The following RIN2 variants were observed in gnomAD, a reference collection of about 807,000 sequenced individuals.
RIN2 encodes the protein RAB5 interacting protein 2.
Under a neutral mutation model 78.0 loss-of-function variants are expected in RIN2, and 36 were observed. The observed-to-expected ratio is 0.46, with a 90% CI of 0.35 to 0.61. The LOEUF (loss-of-function observed/expected upper bound fraction) is 0.61, where lower values mean the gene tolerates loss of function less well. Among genes scored for constraint, RIN2 ranks in the 20% least tolerant of loss-of-function variants. The pLI is 0.00. For synonymous variants in RIN2, 466 were observed against 466.8 expected, an observed-to-expected ratio of 1.00 and a Z score of 0.02; for missense variants, 1,087 against 1,159.7, an observed-to-expected ratio of 0.94 and a Z score of 0.91.
chr20:19,987,688 T>C (rs1049181585), intron 9 of RIN2, among the ~76,000 whole-genome samples: 5 of 152,234 alleles, frequency 3.3e-5, no homozygotes, highest in South Asian at 2.1e-4. Flanking sequence ...AATGATGATA[T>C]AAGGTAAAGT....
chr20:19,978,860 C>T (rs185396476), intron 9 of RIN2, among the ~76,000 whole-genome samples: 2 of 152,310 alleles, frequency 1.3e-5, no homozygotes, highest in Admixed American at 1.3e-4. Flanking sequence ...AAGAAGTGTG[C>T]AGTTTGGGGG....
intron 2 of RIN2, among the ~76,000 whole-genome samples, chr20:19,833,919 A>T (rs1193397591): frequency 6.6e-6 from 1 of 152,092 alleles, no homozygotes; most frequent in Non-Finnish European, 1.5e-5. Context: ...CTGAGGTCCC[A>T]TTCCCCTGCC....
intron 3 of RIN2, among the ~76,000 whole-genome samples, chr20:19,891,074 T>C (rs1290637498): frequency 6.6e-6 from 1 of 152,158 alleles, no homozygotes; most frequent in African/African-American, 2.4e-5. Context: ...TATTTATTGG[T>C]TTACAGTCTT....
chr20:19,840,158 G>T (rs1231045479), intron 2 of RIN2, among the ~76,000 whole-genome samples: 1 of 152,172 alleles, frequency 6.6e-6, no homozygotes, highest in Non-Finnish European at 1.5e-5. Context: ...TTTAGTTTTA[G>T]CCAACTCCAA....
intron 2 of RIN2, among the ~76,000 whole-genome samples, chr20:19,807,701 T>A (rs2035450818): frequency 6.6e-6 from 1 of 152,144 alleles, no homozygotes. Flanking sequence ...AAGCAGCAAG[T>A]AGAATGAATA....
At chr20:19,831,139 C>T (rs2036239870) in intron 2 of RIN2, among the ~76,000 whole-genome samples, 1 of 152,212 alleles carries the variant, frequency 6.6e-6, no homozygotes, top group Non-Finnish European at 1.5e-5. Context: ...CGGGTAGATA[C>T]TCCACCCTCC....
chr20:19,992,921 T>C (rs1219503140), intron 11 of RIN2, among the ~76,000 whole-genome samples: 4 of 152,196 alleles, frequency 2.6e-5, no homozygotes, highest in Admixed American at 2.6e-4. Flanking sequence ...TCCAGTTTTT[T>C]TTAAGTATCT....
At position 19,875,159 on chromosome 20, in the gene RIN2, C is replaced by G. The variant is rs567684029; in HGVS notation, c.-36-14407C>G. Among the ~76,000 whole-genome samples the G allele has an allele frequency of 1.1e-4, 16 of 151,372 alleles. No individual in the cohort carries two copies. The South Asian group carries it at 2.9e-3, about 28-fold the overall frequency. On this transcript the variant is annotated intron_variant, in intron 2 of 12. Coordinates refer to ENST00000255006, the MANE Select transcript of RIN2 (RefSeq NM_018993.4). ...TACAGGCATGAGCCACCGCACCCAGCAGATAATTTTTTTTTTTTAAACGGA... is the reference window on the plus strand; with the variant it reads ...TACAGGCATGAGCCACCGCACCCAGGAGATAATTTTTTTTTTTTAAACGGA...
At chr20:19,843,356 T>C (rs183145107) in intron 2 of RIN2, among the ~76,000 whole-genome samples, 31 of 148,958 alleles carry the variant, frequency 2.1e-4, no homozygotes, top group South Asian at 4.2e-4. Flanking sequence ...AAAAAGTCAA[T>C]CAATGTGACA....
chr20:19,946,064 G>A (rs953874217), intron 4 of RIN2, among the ~76,000 whole-genome samples: 11 of 152,182 alleles, frequency 7.2e-5, no homozygotes, highest in African/African-American at 2.4e-4. Flanking sequence ...CTCCTCTTCC[G>A]TAAACCTTGC....
intron 1 of RIN2, among the ~76,000 whole-genome samples, chr20:19,776,052 C>A (rs1280624548): frequency 2.0e-5 from 3 of 152,106 alleles, no homozygotes; most frequent in African/African-American, 7.3e-5. Flanking sequence ...CCATTAACTT[C>A]TTTTCATTTC....
intron 3 of RIN2, among the ~76,000 whole-genome samples, chr20:19,902,928 C>G (rs920271546): frequency 6.6e-6 from 1 of 152,080 alleles, no homozygotes; most frequent in African/African-American, 2.4e-5. Flanking sequence ...CCCGTCTCTA[C>G]TAACAACACA....
In RIN2 at chr20:19,931,658, G is replaced by C. The variant is rs923238861; in HGVS notation, c.58-3441G>C. Among the ~76,000 whole-genome samples the C allele has an allele frequency of 2.7e-5, 4 of 148,674 alleles. No homozygotes were observed. The East Asian group carries it at 7.9e-4, about 29-fold the overall frequency. ...GTATCTTTTTCCTTGTGTTGGGAAC[G>C]TTTGCATGGTTTTAAACTTCACATG... On this transcript the variant is annotated intron_variant, in intron 3 of 12. Coordinates refer to ENST00000255006, the MANE Select transcript of RIN2 (RefSeq NM_018993.4).
intron 4 of RIN2, among the ~76,000 whole-genome samples, chr20:19,940,400 T>G (rs2040818662): frequency 6.6e-6 from 1 of 152,232 alleles, no homozygotes; most frequent in Non-Finnish European, 1.5e-5. Flanking sequence ...GTTGAAAATG[T>G]GTGACAGGCC....
intron 4 of RIN2, among the ~76,000 whole-genome samples, chr20:19,955,796 G>A (rs769613056): frequency 7.2e-5 from 11 of 152,182 alleles, no homozygotes; most frequent in Non-Finnish European, 1.5e-4. Context: ...TTAGATTTGT[G>A]AGAAGAAATA....
At chr20:19,771,931 G>A (rs2034140683) in intron 1 of RIN2, among the ~76,000 whole-genome samples, 1 of 152,108 alleles carries the variant, frequency 6.6e-6, no homozygotes, top group Non-Finnish European at 1.5e-5. Flanking sequence ...ATCTTGCTCT[G>A]TTGCACAGAA....
At chr20:19,829,494 G>A (rs897567697) in intron 2 of RIN2, among the ~76,000 whole-genome samples, 3 of 152,290 alleles carry the variant, frequency 2.0e-5, no homozygotes, top group South Asian at 4.1e-4. Flanking sequence ...TATCATCTAC[G>A]TTGTATACTG....
chr20:19,910,321 C>T (rs111405909), intron 3 of RIN2, among the ~76,000 whole-genome samples: 13 of 151,702 alleles, frequency 8.6e-5, no homozygotes, highest in Non-Finnish European at 1.6e-4. Flanking sequence ...TACAGGCATG[C>T]GCCACCATGC....
At chr20:19,848,703 C>T (rs2036863603) in intron 2 of RIN2, among the ~76,000 whole-genome samples, 1 of 151,590 alleles carries the variant, frequency 6.6e-6, no homozygotes, top group African/African-American at 2.4e-5. Context: ...TATTTAAATA[C>T]TTGAAAAGGT....
Sources: gnomAD v4.1 joint callset for allele counts (sites outside exome capture counted in the v4.1 genomes callset) on GRCh38, gnomAD v4.1.1 for gene constraint, MANE v1.5 for transcripts, NCBI Gene and HGNC (gene_info 2026-07-23, HGNC 2026-07-21) for gene names.